ATP5F1E: variants seen among roughly 807,000 people sequenced by gnomAD.
ATP5F1E encodes ATP synthase F1 subunit epsilon, also known as ATP synthase F(1) complex subunit epsilon, mitochondrial.
ATP5F1E carries 5 observed loss-of-function variants against 7.0 expected under a neutral mutation model. That is an observed-to-expected ratio of 0.71 (90% CI 0.37 to 1.49). The LOEUF is 1.49. Ranked by LOEUF, ATP5F1E falls within the 40% of genes most tolerant of loss-of-function variation. The probability of loss-of-function intolerance (pLI) is 0.03; values close to 1 mark genes in which losing one functional copy is unlikely to be tolerated. For synonymous variants in ATP5F1E, 20 were observed against 20.1 expected, an observed-to-expected ratio of 0.99 and a Z score of 0.02; for missense variants, 59 against 57.1, an observed-to-expected ratio of 1.03 and a Z score of -0.11.
Position 59,032,277 on chromosome 20 carries a change from G to A in ATP5F1E, c.-26C>T, listed in dbSNP as rs745987495. On this transcript the variant is annotated 5_prime_UTR_variant, in exon 1 of 3. Coordinates refer to ENST00000243997, the MANE Select transcript of ATP5F1E (RefSeq NM_006886.4). Reference sequence around the variant, plus strand: ...GCTGTAGCGAAAGCGGAGCTCGTCGGGCCGAATCGCCAAGACGCCGGCAAT... The same window carrying A: ...GCTGTAGCGAAAGCGGAGCTCGTCGAGCCGAATCGCCAAGACGCCGGCAAT... 1.3e-6 allele frequency: 2 copies of A among 1,596,656 alleles called. No homozygotes were observed. Among genetic ancestry groups the A allele is most frequent in the East Asian group, 2.3e-5 (1 of 44,344 alleles).
rs2091996835 is a variant in ATP5F1E at position 59,026,763 on chromosome 20, ATC to A, written c.*2080_*2081del. On this transcript the variant is annotated 3_prime_UTR_variant, in exon 3 of 3. Coordinates refer to ENST00000243997, the MANE Select transcript of ATP5F1E (RefSeq NM_006886.4). The stretch of plus-strand genomic sequence containing the variant: ...ACAAAACAAACTAGAAACTTAAGAA[ATC>A]TGTCCCTTTTGATTTTGAAGAGCTT... 1 of 152,238 alleles carries A rather than the reference ATC, an allele frequency of 6.6e-6. No individual in the cohort carries two copies. The highest frequency in any genetic ancestry group is 2.4e-5 in the African/African-American group (1 of 41,466). The allele number at this position is 152,238 out of a possible 1,614,324, so 9.4% of individuals were successfully genotyped here. A position where few individuals can be genotyped will look rare whatever the true frequency, so the allele number is the denominator to read the frequency against.
chr20:59,026,078 T>C lies in ATP5F1E; in HGVS notation c.*2767A>G, dbSNP rs1337004705. On this transcript the variant is annotated 3_prime_UTR_variant, in exon 3 of 3. Coordinates refer to ENST00000243997, the MANE Select transcript of ATP5F1E (RefSeq NM_006886.4). Reference sequence around the variant, plus strand: ...CTCCGACCCTCAATGCAGTAAATATTTACTTGCAGGCAACTGGGTTCTCAT... The same window carrying C: ...CTCCGACCCTCAATGCAGTAAATATCTACTTGCAGGCAACTGGGTTCTCAT... The C allele has an allele frequency of 6.6e-6, 1 of 152,200 alleles. No individual in the cohort carries two copies. The highest frequency in any genetic ancestry group is 1.5e-5 in the Non-Finnish European group (1 of 68,050). 9.4% of individuals were successfully genotyped at this position (152,200 alleles called of 1,614,324 possible).
At position 59,027,049 on chromosome 20, in the gene ATP5F1E, T is replaced by A. The variant is rs1022344674; in HGVS notation, c.*1796A>T. ...GGAGGCAGGAAGTTTATTATACTAC[T>A]GGTTTAGGATTTTTTTTTAATCACG... On this transcript the variant is annotated 3_prime_UTR_variant, in exon 3 of 3. Coordinates refer to ENST00000243997, the MANE Select transcript of ATP5F1E (RefSeq NM_006886.4). The A allele has an allele frequency of 1.3e-5, 2 of 152,190 alleles. No homozygotes were observed. Among genetic ancestry groups the A allele is most frequent in the Non-Finnish European group, 2.9e-5 (2 of 68,040 alleles). 9.4% of individuals were successfully genotyped at this position (152,190 alleles called of 1,614,324 possible). A position where few individuals can be genotyped will look rare whatever the true frequency, so the allele number is the denominator to read the frequency against.
At position 59,025,752 on chromosome 20, in the gene ATP5F1E, T is replaced by A. The variant is rs958271618; in HGVS notation, c.*3093A>T. The A allele has an allele frequency of 2.6e-5, 4 of 152,268 alleles. No homozygotes were observed. The highest frequency in any genetic ancestry group is 9.6e-5 in the African/African-American group (4 of 41,478). The allele number at this position is 152,268 out of a possible 1,614,324, so 9.4% of individuals were successfully genotyped here. ...GCAATGGCTGCAGTGTCCTTCTCAG[T>A]TATGGAGGACATCGTCTCATTAGGG... On this transcript the variant is annotated 3_prime_UTR_variant, in exon 3 of 3. Coordinates refer to ENST00000243997, the MANE Select transcript of ATP5F1E (RefSeq NM_006886.4).
rs376521812 is a variant in ATP5F1E at position 59,030,422 on chromosome 20, G to A, written c.40C>T (p.Arg14Ter). ...GCTTTTGCACAGATCTGGGAGTATC[G>A]GATGTAGCTGGGAGAAAATGAGAGA... The part of the protein sequence containing the change: ...YWRQAGLSYI[R>*]YSQICAKAVR... Residue 14 changes from arginine (R) to a stop codon, truncating the protein, a stop_gained, in exon 2 of 3, where the codon CGA becomes TGA. Transcript: ENST00000243997. LOFTEE classifies it high-confidence loss of function. 5 of 1,613,468 alleles carry A rather than the reference G, an allele frequency of 3.1e-6. No homozygotes were observed. The African/African-American group carries it at 4.0e-5, about 13-fold the overall frequency.
chr20:59,028,749 T>A lies in ATP5F1E; in HGVS notation c.*96A>T, dbSNP rs2092007782. On this transcript the variant is annotated 3_prime_UTR_variant, in exon 3 of 3. Coordinates refer to ENST00000243997, the MANE Select transcript of ATP5F1E (RefSeq NM_006886.4). ...TTATGAACAAGACAGGATTTTTTTT[T>A]TTCCCATGGAATGAGATCCTTTTCA... The A allele has an allele frequency of 6.0e-6, 1 of 167,314 alleles. No homozygotes were observed. The highest frequency in any genetic ancestry group is 1.5e-5 in the Non-Finnish European group (1 of 68,280). The allele number at this position is 167,314 out of a possible 1,614,324, so 10.4% of individuals were successfully genotyped here.
At chr20:59,032,061 G>A (rs1452268670) in intron 1 of ATP5F1E, among the ~76,000 whole-genome samples, 159 bp downstream of exon 1, 5 of 152,232 alleles carry the variant, frequency 3.3e-5, no homozygotes. Flanking sequence ...CCGCCTGAGC[G>A]CTTTGCCCAC....
chr20:59,030,163 A>G, intron 2 of ATP5F1E, 140 bp downstream of exon 2: 3 of 1,164,236 alleles, frequency 2.6e-6, no homozygotes, highest in East Asian at 5.9e-5. Flanking sequence ...TGCATGCTTT[A>G]AATTATACCA....
chr20:59,029,744 C>G (rs905633168), intron 2 of ATP5F1E: 1 of 162,368 alleles, frequency 6.2e-6, no homozygotes, highest in African/African-American at 2.4e-5. Flanking sequence ...GTAAAATGAA[C>G]CAAACCCTCT....
At chr20:59,032,136 G>A in intron 1 of ATP5F1E, 84 bp downstream of exon 1, 2 of 1,528,264 alleles carry the variant, frequency 1.3e-6, no homozygotes, top group South Asian at 2.4e-5. Flanking sequence ...TGGGGCCGCT[G>A]CTCTGTGTCC....
chr20:59,032,145 C>G, intron 1 of ATP5F1E, 75 bp downstream of exon 1: 1 of 1,543,952 alleles, frequency 6.5e-7, no homozygotes, highest in Non-Finnish European at 8.8e-7. Context: ...TGCTCTGTGT[C>G]CTGCATGACC....
intron 2 of ATP5F1E, 85 bp from the exon 3 acceptor site, chr20:59,028,926 T>A (rs969404040): frequency 6.1e-6 from 1 of 164,196 alleles, no homozygotes; most frequent in Non-Finnish European, 1.5e-5. Context: ...AATAACTTCC[T>A]TATAGTGAAC....
chr20:59,030,276 GTTC>G, intron 2 of ATP5F1E, 24 bp downstream of exon 2: 1 of 1,611,416 alleles, frequency 6.2e-7, no homozygotes, highest in Non-Finnish European at 8.5e-7. Context: ...AGATGCAACT[GTTC>G]TTCTAAATAA....
chr20:59,029,580 T>C (rs769985190), intron 2 of ATP5F1E: 1 of 152,288 alleles, frequency 6.6e-6, no homozygotes, highest in Non-Finnish European at 1.5e-5. Flanking sequence ...TCTGATAATT[T>C]GCCTTGCCTA....
intron 1 of ATP5F1E, 75 bp downstream of exon 1, chr20:59,032,145 C>T: frequency 1.3e-6 from 2 of 1,543,952 alleles, no homozygotes. Flanking sequence ...TGCTCTGTGT[C>T]CTGCATGACC....
intron 2 of ATP5F1E, 120 bp downstream of exon 2, chr20:59,030,179 ATAAC>A (rs2092016876): frequency 7.7e-7 from 1 of 1,304,240 alleles, no homozygotes; most frequent in Non-Finnish European, 1.1e-6. Flanking sequence ...TACCATCCCA[ATAAC>A]TAACTTCCAA....
At position 59,027,616 on chromosome 20, in the gene ATP5F1E, G is replaced by T. The variant is rs939383974; in HGVS notation, c.*1229C>A. ...GATACTTCCTAGTACCTTAATCTTG[G>T]GGGCCACAGCACTGAACTGAGGTGC... On this transcript the variant is annotated 3_prime_UTR_variant, in exon 3 of 3. Coordinates refer to ENST00000243997, the MANE Select transcript of ATP5F1E (RefSeq NM_006886.4). The T allele has an allele frequency of 1.3e-5, 2 of 152,064 alleles. No homozygotes were observed. The highest frequency in any genetic ancestry group is 2.9e-5 in the Non-Finnish European group (2 of 68,018). 9.4% of individuals were successfully genotyped at this position (152,064 alleles called of 1,614,324 possible).
chr20:59,031,836 C>T (rs184832577), intron 1 of ATP5F1E, among the ~76,000 whole-genome samples: 90 of 152,370 alleles, frequency 5.9e-4, no homozygotes, highest in African/African-American at 2.1e-3. Context: ...GGAGAGAAAT[C>T]TCCTGTTTCC....
At chr20:59,031,838 C>G (rs908412440) in intron 1 of ATP5F1E, among the ~76,000 whole-genome samples, 1 of 152,262 alleles carries the variant, frequency 6.6e-6, no homozygotes, top group Non-Finnish European at 1.5e-5. Context: ...AGAGAAATCT[C>G]CTGTTTCCCG....
Sources: gnomAD v4.1 joint callset for allele counts (sites outside exome capture counted in the v4.1 genomes callset) on GRCh38, gnomAD v4.1.1 for gene constraint, MANE v1.5 for transcripts, NCBI Gene and HGNC (gene_info 2026-07-23, HGNC 2026-07-21) for gene names.